Variants in CSPP1 observed in about 807,000 individuals in gnomAD.
CSPP1 encodes the protein centrosome and spindle pole-associated protein 1.
In CSPP1, 126 loss-of-function variants were observed where a neutral mutation model predicts 164.4. The observed-to-expected ratio is 0.77, with a 90% CI of 0.66 to 0.89. The LOEUF is 0.89. CSPP1 is among the 40% of genes least tolerant of loss of function. The pLI is 0.00. For missense variants in CSPP1, 1,395 were observed against 1,449.8 expected, an observed-to-expected ratio of 0.96 and a Z score of 0.61; for synonymous variants, 472 against 476.7, an observed-to-expected ratio of 0.99 and a Z score of 0.13.
In CSPP1 at chr8:67,193,532, T is replaced by A. The variant is rs1319124419; in HGVS notation, c.3399T>A (p.Asp1133Glu). 1 of 1,612,902 alleles carries A rather than the reference T, an allele frequency of 6.2e-7. No homozygotes were observed. The highest frequency in any genetic ancestry group is 8.5e-7 in the Non-Finnish European group (1 of 1,178,920). Residue 1133 changes from aspartate (D) to glutamate (E), a missense_variant, in exon 30 of 31, where the codon GAT (aspartate) becomes GAA (glutamate). Coordinates refer to ENST00000678616, the MANE Select transcript of CSPP1 (RefSeq NM_001382391.1). Reference sequence around the variant, plus strand: ...AATCTATATCCAGTGTAAATGTTGATGAGCTTAGAGTGAGAAATGAGGAAC... The same window carrying A: ...AATCTATATCCAGTGTAAATGTTGAAGAGCTTAGAGTGAGAAATGAGGAAC... ...SLKSISSVNV[D>E]ELRVRNEERM...
intron 7 of CSPP1, among the ~76,000 whole-genome samples, chr8:67,101,959 T>A (rs1253429237): frequency 6.6e-6 from 1 of 152,146 alleles, no homozygotes; most frequent in Admixed American, 6.5e-5. Flanking sequence ...CGGATGCCAA[T>A]AAGTGTTGGT....
chr8:67,095,533 T>G lies in CSPP1; in HGVS notation c.724T>G (p.Ser242Ala). 1 of 1,613,754 alleles carries G rather than the reference T, an allele frequency of 6.2e-7. No homozygotes were observed. Among genetic ancestry groups the G allele is most frequent in the Non-Finnish European group, 8.5e-7 (1 of 1,179,946 alleles). Residue 242 changes from serine to alanine, a missense_variant, in exon 7 of 31, where the codon TCC (serine) becomes GCC (alanine). Coordinates refer to ENST00000678616, the MANE Select transcript of CSPP1 (RefSeq NM_001382391.1). ...AAAAGCAAATGAAGAAGTGGGCATT[T>G]CCAACCTAAAACATCAAAGGTTTGC... ...IKKANEEVGI[S>A]NLKHQRFASK...
chr8:67,091,550 G>A (rs907181810), intron 4 of CSPP1, among the ~76,000 whole-genome samples: 4 of 152,174 alleles, frequency 2.6e-5, no homozygotes, highest in South Asian at 2.1e-4. Context: ...ATCAATAGAC[G>A]TATATATTGC....
chr8:67,179,746 A>G (rs1832569634), intron 27 of CSPP1, 117 bp from the exon 28 acceptor site: 4 of 683,282 alleles, frequency 5.9e-6, no homozygotes, highest in South Asian at 3.5e-5. Context: ...TCCTACCTCT[A>G]CCCATCCTCT....
Position 67,154,011 on chromosome 8 carries a change from T to C in CSPP1, c.2129-13T>C. On this transcript the variant is annotated splice_polypyrimidine_tract_variant and intron_variant, in intron 18 of 30. Coordinates refer to ENST00000678616, the MANE Select transcript of CSPP1 (RefSeq NM_001382391.1). Reference sequence around the variant, plus strand: ...TGGCTAATAGTATGTTTTTGCAAAATATTTCTTTCAAGGTCATATGCAAAC... The same window carrying C: ...TGGCTAATAGTATGTTTTTGCAAAACATTTCTTTCAAGGTCATATGCAAAC... The C allele has an allele frequency of 7.0e-7, 1 of 1,419,088 alleles. No homozygotes were observed. Among genetic ancestry groups the C allele is most frequent in the South Asian group, 1.2e-5 (1 of 84,664 alleles). The allele number at this position is 1,419,088 out of a possible 1,614,324, so 87.9% of individuals were successfully genotyped here. A position where few individuals can be genotyped will look rare whatever the true frequency, so the allele number is the denominator to read the frequency against.
At chr8:67,102,347 C>T (rs1814298066) in intron 7 of CSPP1, among the ~76,000 whole-genome samples, 1 of 152,182 alleles carries the variant, frequency 6.6e-6, no homozygotes, top group South Asian at 2.1e-4. Context: ...AATCCCAGCA[C>T]TTTGGGAGGC....
chr8:67,130,039 T>G (rs1820888070), intron 15 of CSPP1, among the ~76,000 whole-genome samples: 1 of 152,214 alleles, frequency 6.6e-6, no homozygotes, highest in Non-Finnish European at 1.5e-5. Context: ...TTCAGCCAAC[T>G]TCAATAGAAA....
At chr8:67,150,153 C>T (rs1441191056) in intron 18 of CSPP1, among the ~76,000 whole-genome samples, 1 of 152,040 alleles carries the variant, frequency 6.6e-6, no homozygotes, top group Admixed American at 6.6e-5. Context: ...TGTTTCTTCT[C>T]AGCTTTGTAA....
At chr8:67,094,204 G>T (rs1453203773) in intron 6 of CSPP1, among the ~76,000 whole-genome samples, 1 of 145,322 alleles carries the variant, frequency 6.9e-6, no homozygotes, top group Non-Finnish European at 1.5e-5. Flanking sequence ...TTTGTGTTGA[G>T]AATTTAATTT....
intron 7 of CSPP1, among the ~76,000 whole-genome samples, chr8:67,102,345 C>A (rs1405434477): frequency 6.6e-6 from 1 of 152,146 alleles, no homozygotes; most frequent in African/African-American, 2.4e-5. Context: ...GTAATCCCAG[C>A]ACTTTGGGAG....
Position 67,193,601 on chromosome 8 carries a change from A to T in CSPP1, c.3468A>T (p.Thr1156=). ...AATTTCACAATAAACCTATTAATACAGGTAAATGACCAAGTGTAATGGCCT... is the reference window on the plus strand; with the variant it reads ...AATTTCACAATAAACCTATTAATACTGGTAAATGACCAAGTGTAATGGCCT... ...LNEFHNKPIN[T]DDESSLVDPD... is the part of the protein sequence containing the mutation. The change falls in exon 30 of 31, where the codon ACA becomes ACT. Residue 1156 remains threonine, a splice_region_variant and synonymous_variant. Coordinates refer to ENST00000678616, the MANE Select transcript of CSPP1 (RefSeq NM_001382391.1). The T allele has an allele frequency of 1.2e-6, 2 of 1,612,304 alleles. No individual in the cohort carries two copies. The highest frequency in any genetic ancestry group is 2.2e-5 in the South Asian group (2 of 90,972).
At chr8:67,170,680 G>A (rs1025264500) in intron 24 of CSPP1, among the ~76,000 whole-genome samples, 2 of 151,990 alleles carry the variant, frequency 1.3e-5, no homozygotes, top group African/African-American at 2.4e-5. Context: ...TCATTCTATT[G>A]TAATAAGGTA....
chr8:67,095,118 C>T (rs909338123), intron 6 of CSPP1, among the ~76,000 whole-genome samples, 175 bp from the exon 7 acceptor site: 2 of 151,906 alleles, frequency 1.3e-5, no homozygotes, highest in South Asian at 2.1e-4. Flanking sequence ...TTTGCTATTA[C>T]AAGTAAAGCT....
chr8:67,195,636 G>A lies in CSPP1; in HGVS notation c.*43G>A, dbSNP rs980768057. ...CCCAGTAGTGCCTTTTAAGGTGAAA[G>A]GAATGGTAAATCTGTACCTTTAATA... On this transcript the variant is annotated 3_prime_UTR_variant, in exon 31 of 31. Transcript: ENST00000678616. 6 of 1,554,932 alleles carry A rather than the reference G, an allele frequency of 3.9e-6. No individual in the cohort carries two copies. Among genetic ancestry groups the A allele is most frequent in the Non-Finnish European group, 4.4e-6 (5 of 1,130,598 alleles).
intron 28 of CSPP1, among the ~76,000 whole-genome samples, chr8:67,183,271 A>G (rs138069870): frequency 1.3e-5 from 2 of 152,346 alleles, no homozygotes; most frequent in African/African-American, 4.8e-5. Context: ...GACGTAGTTG[A>G]GTTCAGCAAC....
At chr8:67,074,788 T>C (rs1260405715) in intron 2 of CSPP1, 1 of 275,168 alleles carries the variant, frequency 3.6e-6, no homozygotes, top group Non-Finnish European at 7.0e-6. Context: ...AATAATTGCT[T>C]TTTTTTTTTT....
intron 1 of CSPP1, 73 bp from the exon 2 acceptor site, chr8:67,074,170 C>A: frequency 1.3e-6 from 1 of 764,754 alleles, no homozygotes; most frequent in Non-Finnish European, 2.1e-6. Flanking sequence ...TAAATGTGGA[C>A]TAAGCCTACA....
intron 15 of CSPP1, 82 bp downstream of exon 15, chr8:67,118,903 C>A: frequency 1.1e-6 from 1 of 880,218 alleles, no homozygotes; most frequent in Non-Finnish European, 1.9e-6. Context: ...ACCATCCTAA[C>A]ATTTTAGAGT....
intron 17 of CSPP1, among the ~76,000 whole-genome samples, chr8:67,145,617 G>A (rs550986391): frequency 1.7e-4 from 26 of 151,262 alleles, no homozygotes; most frequent in Admixed American, 7.9e-4. Context: ...TCCGCCTCCC[G>A]GGTTCAAGTG....
Sources: allele counts gnomAD v4.1 joint callset (sites outside exome capture counted in the v4.1 genomes callset), GRCh38; gene constraint gnomAD v4.1.1; transcripts MANE v1.5; gene names NCBI Gene and HGNC (gene_info 2026-07-23, HGNC 2026-07-21).